The following ST8SIA2 variants were observed in gnomAD, a reference collection of about 807,000 sequenced individuals.
ST8SIA2 encodes alpha-2,8-sialyltransferase 8B.
Under a neutral mutation model 37.6 loss-of-function variants are expected in ST8SIA2, and 22 were observed. The ratio of observed to expected loss-of-function variants is 0.58; its 90% confidence interval spans 0.42 to 0.83. The LOEUF (loss-of-function observed/expected upper bound fraction) is 0.83. Ranked by LOEUF, ST8SIA2 falls within the 40% of genes least tolerant of loss-of-function variation. ST8SIA2 has a pLI of 0.00. For synonymous variants in ST8SIA2, 205 were observed against 201.2 expected, an observed-to-expected ratio of 1.02 and a Z score of -0.16; for missense variants, 382 against 484.7, an observed-to-expected ratio of 0.79 and a Z score of 1.99.
chr15:92,396,654 A>T (rs554986489), intron 1 of ST8SIA2, among the ~76,000 whole-genome samples: 26 of 151,698 alleles, frequency 1.7e-4, no homozygotes, highest in East Asian at 3.9e-4. Flanking sequence ...CCACCACACC[A>T]GGCTAATTTT....
chr15:92,434,174 A>C, intron 2 of ST8SIA2, 73 bp from the exon 3 acceptor site: 1 of 1,606,114 alleles, frequency 6.2e-7, no homozygotes. Context: ...CCGTGCAAAA[A>C]CAAAACTATT....
intron 1 of ST8SIA2, among the ~76,000 whole-genome samples, chr15:92,406,484 C>T (rs2141804209): frequency 6.6e-6 from 1 of 152,294 alleles, no homozygotes; most frequent in South Asian, 2.1e-4. Context: ...TCCTCCAAAC[C>T]CTAGACCTGC....
intron 1 of ST8SIA2, among the ~76,000 whole-genome samples, chr15:92,418,622 T>G (rs1346628018): frequency 6.6e-6 from 1 of 152,138 alleles, no homozygotes; most frequent in African/African-American, 2.4e-5. Flanking sequence ...GGGACAAGAA[T>G]GATCATTTGG....
chr15:92,437,096 G>C (rs2049764565), intron 3 of ST8SIA2, among the ~76,000 whole-genome samples: 3 of 152,190 alleles, frequency 2.0e-5, no homozygotes, highest in African/African-American at 7.2e-5. Flanking sequence ...AGATGGGACA[G>C]CCATCCTGCA....
intron 1 of ST8SIA2, among the ~76,000 whole-genome samples, chr15:92,400,092 C>G (rs534293346): frequency 6.6e-6 from 1 of 152,134 alleles, no homozygotes; most frequent in Non-Finnish European, 1.5e-5. Flanking sequence ...GCCCTCCTTG[C>G]GCACACACCA....
At chr15:92,438,716 A>G in intron 4 of ST8SIA2, 106 bp downstream of exon 4, 2 of 1,421,310 alleles carry the variant, frequency 1.4e-6, no homozygotes, top group Middle Eastern at 2.4e-4. Context: ...GCCCTGGTGG[A>G]GTTAGCCCCT....
At chr15:92,443,893 C>T (rs1025404060) in intron 4 of ST8SIA2, among the ~76,000 whole-genome samples, 3 of 152,034 alleles carry the variant, frequency 2.0e-5, no homozygotes, top group African/African-American at 4.8e-5. Flanking sequence ...CCGAGGAACC[C>T]GGGAATCTAT....
chr15:92,459,952 C>G (rs1033904250), intron 5 of ST8SIA2, among the ~76,000 whole-genome samples: 1 of 152,174 alleles, frequency 6.6e-6, no homozygotes, highest in African/African-American at 2.4e-5. Flanking sequence ...CTGGGACCAC[C>G]ATACTCAACA....
chr15:92,438,204 G>A (rs1319999436), intron 3 of ST8SIA2, 149 bp from the exon 4 acceptor site: 2 of 1,214,830 alleles, frequency 1.6e-6, no homozygotes, highest in Non-Finnish European at 1.2e-6. Flanking sequence ...GCTGGAACCT[G>A]TTCTCGAGGG....
chr15:92,434,925 G>A (rs925289980), intron 3 of ST8SIA2, among the ~76,000 whole-genome samples: 2 of 151,642 alleles, frequency 1.3e-5, no homozygotes, highest in Non-Finnish European at 2.9e-5. Context: ...TGTTTAGCCA[G>A]AGAGCAGCTC....
chr15:92,394,029 C>T lies in ST8SIA2; in HGVS notation c.-36C>T, dbSNP rs747938581. The stretch of plus-strand genomic sequence containing the variant: ...CGCCCTCCGGCCCCTGCTCCTCGCG[C>T]CGGCCCGCGTGGGTCCCGGCGGGCG... On this transcript the variant is annotated 5_prime_UTR_variant, in exon 1 of 6. Coordinates refer to ENST00000268164, the MANE Select transcript of ST8SIA2 (RefSeq NM_006011.4). 2 of 1,520,786 alleles carry T rather than the reference C, an allele frequency of 1.3e-6. No individual in the cohort carries two copies. Among genetic ancestry groups the T allele is most frequent in the South Asian group, 1.2e-5 (1 of 81,780 alleles). The allele number at this position is 1,520,786 out of a possible 1,614,324, so 94.2% of individuals were successfully genotyped here. A position where few individuals can be genotyped will look rare whatever the true frequency, so the allele number is the denominator to read the frequency against.
At position 92,397,951 on chromosome 15, in the gene ST8SIA2, G is replaced by A. The variant is rs1192878445; in HGVS notation, c.98+3789G>A. Among the ~76,000 whole-genome samples the A allele has an allele frequency of 2.0e-5, 3 of 152,116 alleles. No individual in the cohort carries two copies. In the East Asian group the frequency reaches 5.8e-4, roughly 29 times the overall value. Reference sequence around the variant, plus strand: ...AGTTCGAGACCAGACTGGCCAACATGGTGAAACTCCATCTCTACTAAAAGT... The same window carrying A: ...AGTTCGAGACCAGACTGGCCAACATAGTGAAACTCCATCTCTACTAAAAGT... On this transcript the variant is annotated intron_variant, in intron 1 of 5. Coordinates refer to ENST00000268164, the MANE Select transcript of ST8SIA2 (RefSeq NM_006011.4).
intron 5 of ST8SIA2, among the ~76,000 whole-genome samples, chr15:92,446,758 A>G (rs140760222): frequency 9.2e-5 from 14 of 152,330 alleles, no homozygotes; most frequent in African/African-American, 3.4e-4. Flanking sequence ...AGCACCAGCC[A>G]TGTGCAGATC....
At chr15:92,437,122 A>G (rs1265364914) in intron 3 of ST8SIA2, among the ~76,000 whole-genome samples, 1 of 152,226 alleles carries the variant, frequency 6.6e-6, no homozygotes, top group African/African-American at 2.4e-5. Context: ...TAACATTTGC[A>G]AAGTGCATGA....
At position 92,465,329 on chromosome 15, in the gene ST8SIA2, G is replaced by A. The variant is rs1032542505; in HGVS notation, c.*944G>A. 9 of 152,148 alleles carry A rather than the reference G, an allele frequency of 5.9e-5. No individual in the cohort carries two copies. Among genetic ancestry groups the A allele is most frequent in the African/African-American group, 1.2e-4 (5 of 41,414 alleles). The allele number at this position is 152,148 out of a possible 1,614,324, so 9.4% of individuals were successfully genotyped here. On this transcript the variant is annotated 3_prime_UTR_variant, in exon 6 of 6. Coordinates refer to ENST00000268164, the MANE Select transcript of ST8SIA2 (RefSeq NM_006011.4). ...CTGTCTCACCCTGTTAGAATGTCAC[G>A]AGGGACTGTACTGTCCCCTCTGTCA...
intron 1 of ST8SIA2, among the ~76,000 whole-genome samples, chr15:92,401,420 G>T (rs1461414111): frequency 6.6e-6 from 1 of 152,202 alleles, no homozygotes; most frequent in Non-Finnish European, 1.5e-5. Flanking sequence ...CTAGGAAGCT[G>T]CCCGGTGTCC....
chr15:92,451,176 C>T (rs1567223254), intron 5 of ST8SIA2, among the ~76,000 whole-genome samples: 1 of 152,168 alleles, frequency 6.6e-6, no homozygotes, highest in Non-Finnish European at 1.5e-5. Context: ...GTGGCACAAC[C>T]AGGAACTGAA....
Position 92,423,921 on chromosome 15 carries a change from T to C in ST8SIA2, c.99-6128T>C, listed in dbSNP as rs1184105088. On this transcript the variant is annotated intron_variant, in intron 1 of 5. Coordinates refer to ENST00000268164, the MANE Select transcript of ST8SIA2 (RefSeq NM_006011.4). Reference sequence around the variant, plus strand: ...AATTCTTAAAAGCCTTCGACCACTGTTGACAGCCCTGGTTGTAGTCATGTG... The same window carrying C: ...AATTCTTAAAAGCCTTCGACCACTGCTGACAGCCCTGGTTGTAGTCATGTG... Among the ~76,000 whole-genome samples the C allele has an allele frequency of 3.3e-5, 5 of 152,236 alleles. No homozygotes were observed. The East Asian group carries it at 9.6e-4, about 29-fold the overall frequency.
intron 1 of ST8SIA2, among the ~76,000 whole-genome samples, chr15:92,423,036 G>A (rs2049648268): frequency 6.6e-6 from 1 of 152,192 alleles, no homozygotes; most frequent in South Asian, 2.1e-4. Context: ...AGTGACAGAA[G>A]CCAGACACAA....
Sources: allele counts gnomAD v4.1 joint callset (sites outside exome capture counted in the v4.1 genomes callset), GRCh38; gene constraint gnomAD v4.1.1; transcripts MANE v1.5; gene names NCBI Gene and HGNC (gene_info 2026-07-23, HGNC 2026-07-21).